The following IFT46 variants were observed in gnomAD, a reference collection of about 807,000 sequenced individuals.
The protein encoded by IFT46 is intraflagellar transport protein 46 homolog.
IFT46 carries 19 observed loss-of-function variants against 39.6 expected under a neutral mutation model. The ratio of observed to expected loss-of-function variants is 0.48; its 90% CI spans 0.33 to 0.70. The LOEUF (loss-of-function observed/expected upper bound fraction) is 0.70. Among genes scored for constraint, IFT46 ranks in the 30% least tolerant of loss-of-function variants. The pLI, the probability that IFT46 is intolerant of heterozygous loss-of-function variation, is 0.01. For synonymous variants in IFT46, 117 were observed against 134.8 expected (o/e 0.87, Z 0.91); for missense variants, 334 against 364.8 (o/e 0.92, Z 0.69).
chr11:118,567,460 C>T (rs1490918595), upstream of IFT46, among the ~76,000 whole-genome samples: 1 of 151,862 alleles, frequency 6.6e-6, no homozygotes, highest in Non-Finnish European at 1.5e-5. Flanking sequence ...CCTGTAATCC[C>T]AGCCACTCAG....
chr11:118,556,848 C>G, intron 4 of IFT46, 58 bp downstream of exon 4: 1 of 1,460,080 alleles, frequency 6.8e-7, no homozygotes, highest in Non-Finnish European at 9.1e-7. Context: ...CCTCCCACTC[C>G]AGTGTTTTGA....
chr11:118,545,777 G>A lies in IFT46; in HGVS notation c.733+16C>T. 2 of 1,613,086 alleles carry A rather than the reference G, an allele frequency of 1.2e-6. No individual in the cohort carries two copies. Among genetic ancestry groups the A allele is most frequent in the Non-Finnish European group, 1.7e-6 (2 of 1,179,020 alleles). Reference sequence around the variant, plus strand: ...CTATCCAGAGATGGGGACGAGGAAAGGAAAGAGGAACTCACCACAGATCAT... The same window carrying A: ...CTATCCAGAGATGGGGACGAGGAAAAGAAAGAGGAACTCACCACAGATCAT... On this transcript the variant is annotated intron_variant, in intron 10 of 11. Coordinates refer to ENST00000264021, the MANE Select transcript of IFT46 (RefSeq NM_001168618.2).
upstream of IFT46, among the ~76,000 whole-genome samples, chr11:118,570,491 T>C (rs782089688): frequency 6.6e-6 from 1 of 152,212 alleles, no homozygotes; most frequent in African/African-American, 2.4e-5. Context: ...ATGTGTAAAG[T>C]ACCTGACACA....
At chr11:118,561,214 T>G in intron 2 of IFT46, 1 of 1,377,202 alleles carries the variant, frequency 7.3e-7, no homozygotes, top group Non-Finnish European at 1.0e-6. Flanking sequence ...TCCCTCACAG[T>G]ACCAAACGAT....
At chr11:118,552,422 A>C in intron 7 of IFT46, 87 bp from the exon 8 acceptor site, 1 of 1,498,964 alleles carries the variant, frequency 6.7e-7, no homozygotes, top group Non-Finnish European at 9.1e-7. Flanking sequence ...CTGCTGTTTC[A>C]TATTCGAGCT....
At chr11:118,572,505 C>T (rs781975039) in intron 1 of IFT46, 22 of 1,610,084 alleles carry the variant, frequency 1.4e-5, no homozygotes, top group Middle Eastern at 1.6e-4. Flanking sequence ...CCCCTATCCC[C>T]AGTGGAGCCG....
Position 118,552,288 on chromosome 11 carries a change from T to C in IFT46, c.531A>G (p.Lys177=), listed in dbSNP as rs781912288. 18 of 1,614,102 alleles carry C rather than the reference T, an allele frequency of 1.1e-5. No homozygotes were observed. The Admixed American group carries it at 3.0e-4, about 27-fold the overall frequency. ...TGCTCTCAATCCACGTGTCAATGGC[T>C]TTGGGATTCTTTTCTGCATCTTCTA... ...KSLEDAEKNP[K]AIDTWIESIS... The change falls in exon 8 of 12, where the codon AAA becomes AAG. Residue 177 remains lysine, a synonymous_variant. Coordinates refer to ENST00000264021, the MANE Select transcript of IFT46 (RefSeq NM_001168618.2).
At chr11:118,554,125 A>G (rs369154775) in intron 7 of IFT46, among the ~76,000 whole-genome samples, 13 of 147,116 alleles carry the variant, frequency 8.8e-5, no homozygotes, top group African/African-American at 3.3e-4. Flanking sequence ...ATCTCGACTC[A>G]CTGCAAGCTC....
At chr11:118,563,869 C>T (rs1295124941) in intron 2 of IFT46, among the ~76,000 whole-genome samples, 1 of 152,086 alleles carries the variant, frequency 6.6e-6, no homozygotes, top group Non-Finnish European at 1.5e-5. Context: ...ATCAGTCTTA[C>T]ATGTCACCCC....
intron 10 of IFT46, 74 bp from the exon 11 acceptor site, chr11:118,545,568 G>T: frequency 7.6e-7 from 1 of 1,320,028 alleles, no homozygotes; most frequent in Non-Finnish European, 1.1e-6. Context: ...GTCTAGCACA[G>T]GCAAAGCCCT....
In IFT46 at chr11:118,551,826, A is replaced by C. The variant is rs782172103; in HGVS notation, c.632T>G (p.Met211Arg). 1 of 1,614,136 alleles carries C rather than the reference A, an allele frequency of 6.2e-7. No individual in the cohort carries two copies. Among genetic ancestry groups the C allele is most frequent in the Non-Finnish European group, 8.5e-7 (1 of 1,180,030 alleles). The change falls in exon 9 of 12, where the codon ATG (methionine) becomes AGG (arginine). Residue 211 changes from methionine to arginine, a missense_variant. By Grantham distance (91) the Met-to-Arg change is moderately conservative (BLOSUM62 -1). Coordinates refer to ENST00000264021, the MANE Select transcript of IFT46 (RefSeq NM_001168618.2). Reference sequence around the variant, plus strand: ...TTCAAACTCCGGGGACCATTCCTGCATCAGCGTGTCAATGTCGGGCATGGG... The same window carrying C: ...TTCAAACTCCGGGGACCATTCCTGCCTCAGCGTGTCAATGTCGGGCATGGG... ...TRPMPDIDTL[M>R]QEWSPEFEEL...
upstream of IFT46, among the ~76,000 whole-genome samples, chr11:118,570,350 G>A (rs782122545): frequency 2.0e-5 from 3 of 151,702 alleles, no homozygotes; most frequent in Non-Finnish European, 2.9e-5. Flanking sequence ...GTGAGCCACC[G>A]CGCCCAGCCA....
chr11:118,546,697 A>AT (rs1180435426), intron 9 of IFT46: 4 of 153,786 alleles, frequency 2.6e-5, no homozygotes, highest in Non-Finnish European at 5.8e-5. Flanking sequence ...CATATGTTTT[A>AT]TAGGTAAAAT....
intron 2 of IFT46, chr11:118,560,865 A>G: frequency 2.6e-6 from 2 of 767,308 alleles, no homozygotes; most frequent in East Asian, 2.4e-5. Flanking sequence ...ACAAACAGAG[A>G]TATCATTTGT....
rs1341376448 is a variant in IFT46, at chr11:118,544,988, G to C, written c.843C>G (p.Gly281=). Residue 281 remains glycine, a synonymous_variant, in exon 12 of 12, where the codon GGC becomes GGG. Transcript: ENST00000264021. ...NSQHFKALAE[G]KKAFTPSSNS... ...TGGATGAAGGAGTGAATGCTTTCTT[G>C]CCTTCAGCGAGAGCTTTAAAATGCT... 4 of 1,612,992 alleles carry C rather than the reference G, an allele frequency of 2.5e-6. No homozygotes were observed. Among genetic ancestry groups the C allele is most frequent in the Non-Finnish European group, 3.4e-6 (4 of 1,179,296 alleles).
chr11:118,549,747 T>A (rs1333614265), intron 9 of IFT46, among the ~76,000 whole-genome samples: 2 of 151,418 alleles, frequency 1.3e-5, no homozygotes, highest in Non-Finnish European at 3.0e-5. Context: ...ATGGTCTCGA[T>A]CTCTTGACCT....
intron 7 of IFT46, 111 bp from the exon 8 acceptor site, chr11:118,552,446 T>TACTGTTTCACGTGGCAGCA: frequency 7.8e-7 from 1 of 1,288,102 alleles, no homozygotes; most frequent in Non-Finnish European, 1.1e-6. Flanking sequence ...TGATGACAGC[T>TACTGTTTCACGTGGCAGCA]GCTGCCACGT....
intron 2 of IFT46, among the ~76,000 whole-genome samples, chr11:118,563,064 C>CAA (rs797043654): frequency 8.1e-5 from 9 of 110,642 alleles, no homozygotes; most frequent in African/African-American, 1.3e-4. Flanking sequence ...AATTCAGTCT[C>CAA]AAAAAAAAAA....
At chr11:118,549,271 C>T (rs781907724) in intron 9 of IFT46, among the ~76,000 whole-genome samples, 3 of 151,212 alleles carry the variant, frequency 2.0e-5, no homozygotes, top group Non-Finnish European at 4.4e-5. Flanking sequence ...GAACTCCTGG[C>T]CTCAAGTGAT....
Sources: gnomAD v4.1 joint callset for allele counts (sites outside exome capture counted in the v4.1 genomes callset) on GRCh38, gnomAD v4.1.1 for gene constraint, MANE v1.5 for transcripts, NCBI Gene and HGNC (gene_info 2026-07-23, HGNC 2026-07-21) for gene names.